NDUFAF4: variants seen among roughly 807,000 people sequenced by gnomAD.
The protein encoded by NDUFAF4 is NADH:ubiquinone oxidoreductase complex assembly factor 4.
Under a neutral mutation model 15.6 loss-of-function variants are expected in NDUFAF4, and 10 were observed. That is an observed-to-expected ratio of 0.64 (90% CI 0.40 to 1.09). NDUFAF4 has a LOEUF of 1.09. NDUFAF4 is among the 50% of genes least tolerant of loss of function. NDUFAF4 has a pLI of 0.01. For missense variants in NDUFAF4, 203 were observed against 207.3 expected (o/e 0.98, Z 0.13); for synonymous variants, 77 against 73.3 (o/e 1.05, Z -0.26).
intron 1 of NDUFAF4, among the ~76,000 whole-genome samples, chr6:96,897,161 G>A (rs1020175688): frequency 4.6e-5 from 7 of 152,166 alleles, no homozygotes; most frequent in Admixed American, 4.6e-4. Context: ...CTGACCTCAG[G>A]TGATCTGCCC....
chr6:96,894,893 G>T (rs1159904563), intron 2 of NDUFAF4, among the ~76,000 whole-genome samples: 1 of 152,138 alleles, frequency 6.6e-6, no homozygotes, highest in African/African-American at 2.4e-5. Context: ...AAATATTAAT[G>T]TGTGAAAAGA....
In NDUFAF4 at chr6:96,890,888, A is replaced by T. The variant is rs2127974093; in HGVS notation, c.*216T>A. On this transcript the variant is annotated 3_prime_UTR_variant, in exon 3 of 3. Transcript: ENST00000316149. Reference sequence around the variant, plus strand: ...TACAGATGTGCTCAGTCATGCTGACATGCACTTATGAAATATGCCTAAACC... The same window carrying T: ...TACAGATGTGCTCAGTCATGCTGACTTGCACTTATGAAATATGCCTAAACC... 1 of 505,244 alleles carries T rather than the reference A, an allele frequency of 2.0e-6. No individual in the cohort carries two copies. Among genetic ancestry groups the T allele is most frequent in the East Asian group, 3.6e-5 (1 of 27,442 alleles). The allele number at this position is 505,244 out of a possible 1,614,324, so 31.3% of individuals were successfully genotyped here. A position where few individuals can be genotyped will look rare whatever the true frequency, so the allele number is the denominator to read the frequency against.
intron 2 of NDUFAF4, 71 bp from the exon 3 acceptor site, chr6:96,891,462 T>G (rs1036467398): frequency 1.4e-6 from 2 of 1,399,032 alleles, no homozygotes; most frequent in Admixed American, 3.5e-5. Context: ...TTCTCAAATC[T>G]ACACTATTCC....
Position 96,891,148 on chromosome 6 carries a change from C to T in NDUFAF4, c.484G>A (p.Glu162Lys), listed in dbSNP as rs769249612. The change falls in exon 3 of 3, where the codon GAA becomes AAA. Residue 162 changes from glutamate to lysine, a missense_variant. Physicochemically the swap from Glu to Lys is moderately conservative, Grantham distance 56. Transcript: ENST00000316149. Reference sequence around the variant, plus strand: ...TTCTTGTCTTCAGGAGGGAAGATTTCGACTTCAAAAGTAACAAAATATTTA... The same window carrying T: ...TTCTTGTCTTCAGGAGGGAAGATTTTGACTTCAAAAGTAACAAAATATTTA... ...LLKYFVTFEV[E>K]IFPPEDKKAI... 3.1e-6 allele frequency: 5 copies of T among 1,612,844 alleles called. No homozygotes were observed. Among genetic ancestry groups the T allele is most frequent in the African/African-American group, 1.3e-5 (1 of 74,808 alleles).
rs1393198274 is a variant in NDUFAF4, at chr6:96,891,318, T to G, written c.314A>C (p.Asn105Thr). The G allele has an allele frequency of 6.2e-7, 1 of 1,613,800 alleles. No individual in the cohort carries two copies. The highest frequency in any genetic ancestry group is 1.1e-5 in the South Asian group (1 of 91,078). The change falls in exon 3 of 3, where the codon AAT becomes ACT. Residue 105 changes from asparagine to threonine, a missense_variant. Transcript: ENST00000316149. ...LPKDHHFDMI[N>T]IKSIPKGKIS... is the part of the protein sequence containing the mutation. ...TTTGCCTTTGGGAATGCTCTTAATATTTATCATATCAAAATGATGGTCTTT... is the reference window on the plus strand; with the variant it reads ...TTTGCCTTTGGGAATGCTCTTAATAGTTATCATATCAAAATGATGGTCTTT...
intron 2 of NDUFAF4, 45 bp from the exon 3 acceptor site, chr6:96,891,436 A>G (rs1395413768): frequency 6.5e-7 from 1 of 1,537,308 alleles, no homozygotes; most frequent in Admixed American, 1.7e-5. Flanking sequence ...AAAAGATTTG[A>G]CATCTACTTT....
intron 2 of NDUFAF4, among the ~76,000 whole-genome samples, chr6:96,892,409 C>T (rs1309677676): frequency 6.6e-6 from 1 of 152,146 alleles, no homozygotes; most frequent in Non-Finnish European, 1.5e-5. Flanking sequence ...TTTTACTGCA[C>T]TGTGCCTACT....
At chr6:96,893,187 T>C (rs768575839) in intron 2 of NDUFAF4, among the ~76,000 whole-genome samples, 1 of 152,106 alleles carries the variant, frequency 6.6e-6, no homozygotes, top group Non-Finnish European at 1.5e-5. Context: ...ATCTCCCCCA[T>C]ACTACTAAAT....
intron 2 of NDUFAF4, among the ~76,000 whole-genome samples, chr6:96,895,141 A>C (rs1266233158): frequency 6.6e-6 from 1 of 152,222 alleles, no homozygotes; most frequent in Non-Finnish European, 1.5e-5. Context: ...AAAGAGGTTC[A>C]ACTGATCTAT....
intron 2 of NDUFAF4, among the ~76,000 whole-genome samples, chr6:96,892,091 C>T (rs1449194582): frequency 2.0e-5 from 3 of 152,100 alleles, no homozygotes; most frequent in Non-Finnish European, 2.9e-5. Context: ...AAAAACTGCA[C>T]CTGTTTTAAA....
In NDUFAF4 at chr6:96,891,525, T is replaced by C. The variant is rs1320403657; in HGVS notation, c.241-134A>G. On this transcript the variant is annotated intron_variant, in intron 2 of 2. Coordinates refer to ENST00000316149, the MANE Select transcript of NDUFAF4 (RefSeq NM_014165.4). ...GATCTGTGTCCCCACCCAAATCTCA[T>C]GTCACCAAATTGTAGTCCCCAAAGT... 5 of 944,992 alleles carry C rather than the reference T, an allele frequency of 5.3e-6. No homozygotes were observed. The East Asian group carries it at 1.0e-4, about 20-fold the overall frequency. The allele number at this position is 944,992 out of a possible 1,614,324, so 58.5% of individuals were successfully genotyped here. A position where few individuals can be genotyped will look rare whatever the true frequency, so the allele number is the denominator to read the frequency against.
chr6:96,893,311 A>G (rs1367876453), intron 2 of NDUFAF4, among the ~76,000 whole-genome samples: 1 of 152,174 alleles, frequency 6.6e-6, no homozygotes, highest in Non-Finnish European at 1.5e-5. Context: ...TTTCAAATCT[A>G]ACATCACTTT....
In NDUFAF4 at chr6:96,891,285, A is replaced by G. The variant is rs1468286322; in HGVS notation, c.347T>C (p.Ile116Thr). ...ATTGAGAAGTGTCAATGCTTCTACA[A>G]TGGAAATTTTGCCTTTGGGAATGCT... The part of the protein sequence containing the change: ...IKSIPKGKIS[I>T]VEALTLLNNH... Residue 116 changes from isoleucine to threonine, a missense_variant, in exon 3 of 3, where the codon ATT (isoleucine) becomes ACT (threonine). Coordinates refer to ENST00000316149, the MANE Select transcript of NDUFAF4 (RefSeq NM_014165.4). 3.1e-6 allele frequency: 5 copies of G among 1,613,828 alleles called. No homozygotes were observed. The highest frequency in any genetic ancestry group is 1.1e-5 in the South Asian group (1 of 91,074).
rs573987810 is a variant in NDUFAF4, at chr6:96,889,710, T to C, written c.*1394A>G. 1.3e-5 allele frequency: 2 copies of C among 152,608 alleles called. No individual in the cohort carries two copies. Among genetic ancestry groups the C allele is most frequent in the African/African-American group, 4.8e-5 (2 of 41,558 alleles). The allele number at this position is 152,608 out of a possible 1,614,324, so 9.5% of individuals were successfully genotyped here. ...ATCCTCTATATCATTTCCAGGGGCA[T>C]CTCTGGGAAGTAGTGATGCCTATCT... On this transcript the variant is annotated 3_prime_UTR_variant, in exon 3 of 3. Coordinates refer to ENST00000316149, the MANE Select transcript of NDUFAF4 (RefSeq NM_014165.4).
chr6:96,892,912 C>G (rs947471622), intron 2 of NDUFAF4, among the ~76,000 whole-genome samples: 5 of 152,082 alleles, frequency 3.3e-5, no homozygotes, highest in Non-Finnish European at 7.4e-5. Flanking sequence ...GATCGTAAAC[C>G]AAGACCTTTT....
At position 96,896,620 on chromosome 6, in the gene NDUFAF4, G is replaced by C. The variant is rs1252231363; in HGVS notation, c.240+124C>G. On this transcript the variant is annotated intron_variant, in intron 2 of 2. Transcript: ENST00000316149. ...ACCAGTGTGCTTAAACTTTGCCAAG[G>C]CGTGTAGATTGATCACAACACACAC... The C allele has an allele frequency of 6.5e-5, 51 of 790,448 alleles. No homozygotes were observed. The East Asian group carries it at 1.3e-3, about 20-fold the overall frequency. The allele number at this position is 790,448 out of a possible 1,614,324, so 49.0% of individuals were successfully genotyped here.
rs1007715655 is a variant in NDUFAF4 at position 96,891,237 on chromosome 6, G to T, written c.395C>A (p.Thr132Asn). 9.9e-6 allele frequency: 16 copies of T among 1,613,642 alleles called. No homozygotes were observed. The East Asian group carries it at 3.6e-4, about 36-fold the overall frequency. Residue 132 changes from threonine to asparagine, a missense_variant, in exon 3 of 3, where the codon ACC becomes AAC. Transcript: ENST00000316149. ...CTGCATTATTTTCTCAGCAGTCCAGGTTTCTGGGAAAAGCTTATGATTATT... is the reference window on the plus strand; with the variant it reads ...CTGCATTATTTTCTCAGCAGTCCAGTTTTCTGGGAAAAGCTTATGATTATT... ...LLNNHKLFPE[T>N]WTAEKIMQEY...
At chr6:96,892,639 C>T (rs1381021960) in intron 2 of NDUFAF4, among the ~76,000 whole-genome samples, 1 of 152,128 alleles carries the variant, frequency 6.6e-6, no homozygotes, top group Non-Finnish European at 1.5e-5. Flanking sequence ...CTACATCTGA[C>T]ACTGCTGACC....
intron 2 of NDUFAF4, chr6:96,896,140 C>G (rs775109826): frequency 6.5e-6 from 1 of 154,194 alleles, no homozygotes; most frequent in Non-Finnish European, 1.4e-5. Context: ...GTGTCCTTCA[C>G]AACATCATAG....
Sources: gnomAD v4.1 joint callset for allele counts (sites outside exome capture counted in the v4.1 genomes callset) on GRCh38, gnomAD v4.1.1 for gene constraint, MANE v1.5 for transcripts, NCBI Gene and HGNC (gene_info 2026-07-23, HGNC 2026-07-21) for gene names.